TMEM266: variants seen among roughly 807,000 people sequenced by gnomAD.
TMEM266 encodes the protein transmembrane protein 266, also known as Hv1 related protein 1.
In TMEM266, 33 loss-of-function variants were observed where a neutral mutation model predicts 50.5. That is an observed-to-expected ratio of 0.65 (90% CI 0.50 to 0.87). The LOEUF is 0.87. TMEM266 is among the 40% of genes least tolerant of loss of function. The pLI is 0.00. For missense variants in TMEM266, 655 were observed against 695.1 expected (o/e 0.94, Z 0.65); for synonymous variants, 310 against 292.3 (o/e 1.06, Z -0.62).
chr15:76,128,340 T>A (rs1399949728), intron 1 of TMEM266, among the ~76,000 whole-genome samples: 1 of 152,196 alleles, frequency 6.6e-6, no homozygotes, highest in Non-Finnish European at 1.5e-5. Context: ...TTTTCAGCCC[T>A]AAAATTCCAA....
At chr15:76,148,871 C>T (rs1480235684) in intron 3 of TMEM266, among the ~76,000 whole-genome samples, 1 of 152,214 alleles carries the variant, frequency 6.6e-6, no homozygotes, top group East Asian at 1.9e-4. Flanking sequence ...CCTCTCTTCC[C>T]GCAAGGCAGC....
At chr15:76,156,515 G>T (rs1003354074) in intron 3 of TMEM266, 89 bp from the exon 4 acceptor site, 2 of 1,396,884 alleles carry the variant, frequency 1.4e-6, no homozygotes, top group African/African-American at 1.4e-5. Context: ...AGTGACGCTG[G>T]TGGGTTTGAG....
At position 76,204,301 on chromosome 15, in the gene TMEM266, G is replaced by T; in HGVS notation, c.1582G>T (p.Val528Phe). The T allele has an allele frequency of 6.2e-7, 1 of 1,608,228 alleles. No homozygotes were observed. Residue 528 changes from valine (V) to phenylalanine (F), a missense_variant, in exon 11 of 11, where the codon GTC becomes TTC. Transcript: ENST00000388942. Reference sequence around the variant, plus strand: ...ATCCAAAGAGCAAAAGCTGCACAGGGTCCCTGAGGCCTAGAGCCTGCCATG... The same window carrying T: ...ATCCAAAGAGCAAAAGCTGCACAGGTTCCCTGAGGCCTAGAGCCTGCCATG...
intron 9 of TMEM266, 59 bp from the exon 10 acceptor site, chr15:76,202,143 G>A: frequency 1.4e-6 from 2 of 1,454,356 alleles, no homozygotes; most frequent in Non-Finnish European, 1.9e-6. Context: ...GGGGACAGGA[G>A]TATAAGGGGT....
chr15:76,102,824 G>A (rs1160524998), intron 1 of TMEM266, among the ~76,000 whole-genome samples: 2 of 142,458 alleles, frequency 1.4e-5, no homozygotes, highest in African/African-American at 2.6e-5. Flanking sequence ...GGGCAACAGA[G>A]TGAGACCCTT....
intron 3 of TMEM266, among the ~76,000 whole-genome samples, chr15:76,151,277 T>C (rs1487394612): frequency 2.0e-5 from 3 of 152,236 alleles, no homozygotes; most frequent in African/African-American, 4.8e-5. Context: ...CTTGAGTCAT[T>C]ACTGAACCAC....
At chr15:76,188,938 A>C (rs1360231359) in intron 8 of TMEM266, among the ~76,000 whole-genome samples, 1 of 152,204 alleles carries the variant, frequency 6.6e-6, no homozygotes, top group Non-Finnish European at 1.5e-5. Context: ...GCACTTTGGG[A>C]GGCTGAGGAA....
chr15:76,084,224 G>A (rs945608462), intron 1 of TMEM266, among the ~76,000 whole-genome samples: 6 of 152,224 alleles, frequency 3.9e-5, no homozygotes, highest in Middle Eastern at 3.4e-3. Context: ...TGAGGTAGGA[G>A]GATTGCTTGA....
intron 1 of TMEM266, among the ~76,000 whole-genome samples, chr15:76,107,292 G>A (rs565744840): frequency 2.3e-4 from 35 of 152,038 alleles, no homozygotes; most frequent in Non-Finnish European, 4.4e-4. Flanking sequence ...TTACAAGCAC[G>A]GCACATTTCA....
At chr15:76,064,625 C>A (rs1197498720) in intron 1 of TMEM266, among the ~76,000 whole-genome samples, 1 of 152,226 alleles carries the variant, frequency 6.6e-6, no homozygotes, top group Non-Finnish European at 1.5e-5. Context: ...AATTACCCGC[C>A]AGGAGAGGAT....
chr15:76,138,161 G>T lies in TMEM266; in HGVS notation c.227+266G>T, dbSNP rs577795646. ...TGCTTGAACCCGAGAGGCGGAGGTT[G>T]CAGTGAGCTGAAATTGCACCATTGC... is the stretch of plus-strand genomic sequence containing the variant. On this transcript the variant is annotated intron_variant, in intron 3 of 10. Coordinates refer to ENST00000388942, the MANE Select transcript of TMEM266 (RefSeq NM_152335.3). Among the ~76,000 whole-genome samples, 7 of 143,578 alleles carry T rather than the reference G, an allele frequency of 4.9e-5. No homozygotes were observed. In the South Asian group the frequency reaches 1.4e-3, roughly 28 times the overall value. 94.2% of individuals were successfully genotyped at this position (143,578 alleles called of 152,430 possible).
At chr15:76,191,311 A>G (rs972794637) in intron 8 of TMEM266, among the ~76,000 whole-genome samples, 3 of 152,272 alleles carry the variant, frequency 2.0e-5, no homozygotes, top group African/African-American at 7.2e-5. Context: ...TCTGGGAGAA[A>G]GCCCTTAAGA....
At chr15:76,133,923 G>A (rs1331282512) in intron 1 of TMEM266, among the ~76,000 whole-genome samples, 1 of 152,100 alleles carries the variant, frequency 6.6e-6, no homozygotes, top group Non-Finnish European at 1.5e-5. Context: ...GCACTAACCT[G>A]GCTCTTCTAC....
chr15:76,100,489 G>A (rs758644044), intron 1 of TMEM266, among the ~76,000 whole-genome samples: 6 of 152,120 alleles, frequency 3.9e-5, no homozygotes, highest in Non-Finnish European at 7.3e-5. Context: ...CTTTACTATA[G>A]TTGCCCTTGA....
intron 1 of TMEM266, among the ~76,000 whole-genome samples, chr15:76,090,161 G>T (rs2036829400): frequency 6.6e-6 from 1 of 152,096 alleles, no homozygotes; most frequent in East Asian, 1.9e-4. Context: ...ACCGTCAGTG[G>T]GTAGAGATGG....
rs1251964044 is a variant in TMEM266, at chr15:76,137,761, C to T, written c.93C>T (p.Asp31=). The change falls in exon 3 of 11, where the codon GAC becomes GAT. Residue 31 remains aspartate (D), a synonymous_variant. Transcript: ENST00000388942. Reference sequence around the variant, plus strand: ...TTGAGATCATCTCCCAACAAGTAGACGAAGAAACCAAGAGCATTGCTCCTG... The same window carrying T: ...TTGAGATCATCTCCCAACAAGTAGATGAAGAAACCAAGAGCATTGCTCCTG... 1.2e-5 allele frequency: 20 copies of T among 1,614,086 alleles called. No homozygotes were observed. The highest frequency in any genetic ancestry group is 6.7e-5 in the African/African-American group (5 of 74,926).
At chr15:76,186,597 C>T (rs1238737334) in intron 8 of TMEM266, among the ~76,000 whole-genome samples, 2 of 152,214 alleles carry the variant, frequency 1.3e-5, no homozygotes, top group Non-Finnish European at 2.9e-5. Context: ...GTGCTGATAT[C>T]GCACCTCCGA....
chr15:76,090,538 A>C (rs1748050346), intron 1 of TMEM266, among the ~76,000 whole-genome samples: 1 of 151,864 alleles, frequency 6.6e-6, no homozygotes, highest in South Asian at 2.1e-4. Flanking sequence ...TGGGAAAAGA[A>C]TGCAGAACCT....
intron 9 of TMEM266, among the ~76,000 whole-genome samples, chr15:76,195,581 G>A (rs1035523241): frequency 4.6e-5 from 7 of 152,230 alleles, no homozygotes; most frequent in Admixed American, 4.6e-4. Flanking sequence ...CCCATTTCAG[G>A]ATCTTCCTCT....
Sources: gnomAD v4.1 joint callset for allele counts (sites outside exome capture counted in the v4.1 genomes callset) on GRCh38, gnomAD v4.1.1 for gene constraint, MANE v1.5 for transcripts, NCBI Gene and HGNC (gene_info 2026-07-23, HGNC 2026-07-21) for gene names.